Variants in SNTG1 observed in about 807,000 individuals in gnomAD.
SNTG1 encodes the protein gamma-1-syntrophin.
SNTG1 carries 39 observed loss-of-function variants against 74.7 expected under a neutral mutation model. The observed-to-expected ratio is 0.52, with a 90% confidence interval of 0.40 to 0.68. The LOEUF (loss-of-function observed/expected upper bound fraction) is 0.68. SNTG1 is among the 30% of genes least tolerant of loss of function. The pLI, the probability that SNTG1 is intolerant of heterozygous loss-of-function variation, is 0.00. For synonymous variants in SNTG1, 254 were observed against 217.1 expected, an observed-to-expected ratio of 1.17 and a Z score of -1.49; for missense variants, 685 against 609.5, an observed-to-expected ratio of 1.12 and a Z score of -1.30.
intron 1 of SNTG1, among the ~76,000 whole-genome samples, chr8:50,012,217 T>C (rs1734559700): frequency 6.6e-6 from 1 of 152,192 alleles, no homozygotes; most frequent in Admixed American, 6.5e-5. Flanking sequence ...TTTGTGGACG[T>C]TGCCTGCATC....
intron 4 of SNTG1, among the ~76,000 whole-genome samples, chr8:50,419,373 C>T (rs1332841326): frequency 6.6e-6 from 1 of 152,178 alleles, no homozygotes; most frequent in Non-Finnish European, 1.5e-5. Context: ...TTCTCCAGCT[C>T]TGTCTGCCAA....
intron 2 of SNTG1, among the ~76,000 whole-genome samples, chr8:50,391,056 C>A (rs1045067079): frequency 6.6e-6 from 1 of 152,054 alleles, no homozygotes; most frequent in African/African-American, 2.4e-5. Flanking sequence ...ATTGAGTACC[C>A]TTTATTTCTT....
intron 4 of SNTG1, among the ~76,000 whole-genome samples, chr8:50,436,896 C>A (rs115855499): frequency 2.0e-5 from 3 of 151,862 alleles, no homozygotes; most frequent in Middle Eastern, 3.2e-3. Flanking sequence ...GTAGGTTTTG[C>A]GATATAAATT....
intron 1 of SNTG1, among the ~76,000 whole-genome samples, chr8:49,962,440 A>G (rs1034802587): frequency 6.6e-6 from 1 of 152,000 alleles, no homozygotes; most frequent in Non-Finnish European, 1.5e-5. Context: ...TATATCACAT[A>G]TAAATGAGTC....
At chr8:50,625,348 T>G (rs1370295720) in intron 13 of SNTG1, among the ~76,000 whole-genome samples, 1 of 152,318 alleles carries the variant, frequency 6.6e-6, no homozygotes, top group East Asian at 1.9e-4. Flanking sequence ...TCCCTTTTTG[T>G]AAGCACTGTA....
chr8:50,175,463 G>C (rs995143858), intron 2 of SNTG1, among the ~76,000 whole-genome samples: 1 of 152,140 alleles, frequency 6.6e-6, no homozygotes, highest in African/African-American at 2.4e-5. Context: ...CAATTGAAGG[G>C]GACAGAGAGC....
rs77875547 is a variant in SNTG1 at position 50,759,120 on chromosome 8, G to T, written c.1395+7009G>T. On this transcript the variant is annotated intron_variant, in intron 18 of 18. Coordinates refer to ENST00000642720, the MANE Select transcript of SNTG1 (RefSeq NM_018967.5). ...GCATAAATGTCTTTTTTTGAAAATT[G>T]TCTGTTCATATAGTTTGCCAATTTT... 4.4e-4 allele frequency among the ~76,000 whole-genome samples: 67 copies of T among 152,068 alleles called. 4 individuals are homozygous for T. The East Asian group carries it at 0.013, about 29-fold the overall frequency.
chr8:50,360,569 T>C (rs2131066508), intron 2 of SNTG1, among the ~76,000 whole-genome samples: 1 of 152,236 alleles, frequency 6.6e-6, no homozygotes, highest in African/African-American at 2.4e-5. Flanking sequence ...CCAATATCAG[T>C]GTATTTACCA....
At chr8:50,282,274 AC>A (rs1292033016) in intron 2 of SNTG1, among the ~76,000 whole-genome samples, 1 of 152,082 alleles carries the variant, frequency 6.6e-6, no homozygotes, top group East Asian at 1.9e-4. Flanking sequence ...AAGCTCTCTC[AC>A]CCTAAAACCA....
At chr8:50,243,302 C>G (rs1198648613) in intron 2 of SNTG1, among the ~76,000 whole-genome samples, 1 of 152,064 alleles carries the variant, frequency 6.6e-6, no homozygotes, top group Non-Finnish European at 1.5e-5. Context: ...ATTATATATG[C>G]TTAGTTAGGG....
At chr8:50,510,256 G>T (rs908959390) in intron 9 of SNTG1, among the ~76,000 whole-genome samples, 12 of 152,134 alleles carry the variant, frequency 7.9e-5, no homozygotes, top group African/African-American at 2.7e-4. Flanking sequence ...TGCATCCCAG[G>T]GATGAAGCCC....
chr8:50,552,249 T>G (rs1325483604), intron 11 of SNTG1, among the ~76,000 whole-genome samples: 3 of 152,170 alleles, frequency 2.0e-5, no homozygotes, highest in Non-Finnish European at 4.4e-5. Context: ...TAAGTTTATA[T>G]CTAAACATTG....
At chr8:50,695,542 A>G in intron 15 of SNTG1, among the ~76,000 whole-genome samples, 1 of 151,662 alleles carries the variant, frequency 6.6e-6, no homozygotes, top group East Asian at 1.9e-4. Flanking sequence ...TCTTACATGC[A>G]TATATTGTGT....
At chr8:50,605,939 A>ATGT (rs2094808952) in intron 13 of SNTG1, among the ~76,000 whole-genome samples, 2 of 152,206 alleles carry the variant, frequency 1.3e-5, no homozygotes, top group Non-Finnish European at 2.9e-5. Context: ...TGATTGGTAT[A>ATGT]TGTTGAACCA....
intron 2 of SNTG1, among the ~76,000 whole-genome samples, chr8:50,212,513 G>A (rs1563747680): frequency 6.6e-6 from 1 of 152,118 alleles, no homozygotes; most frequent in South Asian, 2.1e-4. Context: ...TATACAGAAA[G>A]ATACAGATCC....
chr8:50,700,711 T>A (rs996252678), intron 15 of SNTG1, among the ~76,000 whole-genome samples: 9 of 152,212 alleles, frequency 5.9e-5, no homozygotes, highest in Non-Finnish European at 1.0e-4. Flanking sequence ...AGATGATTTA[T>A]CGTTCCTTAT....
chr8:50,635,336 A>G (rs2095031988), intron 13 of SNTG1, among the ~76,000 whole-genome samples: 1 of 152,098 alleles, frequency 6.6e-6, no homozygotes, highest in South Asian at 2.1e-4. Flanking sequence ...TACAATCAGT[A>G]GGTGGTGAGG....
chr8:50,642,594 A>T (rs576536454), intron 13 of SNTG1, among the ~76,000 whole-genome samples: 1 of 152,132 alleles, frequency 6.6e-6, no homozygotes, highest in South Asian at 2.1e-4. Context: ...TTTCAGCCCT[A>T]TCCTTGCTGT....
Position 50,755,509 on chromosome 8 carries a change from G to C in SNTG1, c.1395+3398G>C, listed in dbSNP as rs563483231. On this transcript the variant is annotated intron_variant, in intron 18 of 18. Transcript: ENST00000642720. ...CAGTTTATTTATCCATTCACCTACA[G>C]ACAGACTTCTTTGTTACTTCCATGT... 4.0e-5 allele frequency among the ~76,000 whole-genome samples: 6 copies of C among 151,898 alleles called. No individual in the cohort carries two copies. The South Asian group carries it at 1.2e-3, about 31-fold the overall frequency.
Sources: allele counts gnomAD v4.1 joint callset (sites outside exome capture counted in the v4.1 genomes callset), GRCh38; gene constraint gnomAD v4.1.1; transcripts MANE v1.5; gene names NCBI Gene and HGNC (gene_info 2026-07-23, HGNC 2026-07-21).